The following USH2A variants were observed in gnomAD, a reference collection of about 807,000 sequenced individuals.
USH2A encodes Usher syndrome 2A (autosomal recessive, mild).
Under a neutral mutation model 538.9 loss-of-function variants are expected in USH2A, and 443 were observed. The observed-to-expected ratio is 0.82, with a 90% CI of 0.76 to 0.89. The LOEUF (loss-of-function observed/expected upper bound fraction) is 0.89. Among genes scored for constraint, USH2A ranks in the 40% least tolerant of loss-of-function variants. USH2A has a pLI of 0.00. For synonymous variants in USH2A, 2,413 were observed against 2,273.5 expected (o/e 1.06, Z -1.75); for missense variants, 6,633 against 6,324.8 (o/e 1.05, Z -1.65).
At chr1:216,124,521 A>G (rs1470831662) in intron 21 of USH2A, among the ~76,000 whole-genome samples, 1 of 152,190 alleles carries the variant, frequency 6.6e-6, no homozygotes. Flanking sequence ...TAGAAATACA[A>G]CAAGACAAAG....
intron 21 of USH2A, among the ~76,000 whole-genome samples, chr1:216,151,663 C>T (rs544727339): frequency 3.9e-5 from 6 of 152,226 alleles, no homozygotes; most frequent in South Asian, 2.1e-4. Context: ...CCTCCAAAAC[C>T]GCCGAGGCCT....
At chr1:215,782,345 C>A (rs2102762968) in intron 53 of USH2A, 149 bp from the exon 54 acceptor site, 1 of 815,096 alleles carries the variant, frequency 1.2e-6, no homozygotes, top group South Asian at 1.7e-5. Flanking sequence ...TCAAGCAGTT[C>A]CTAATTATAC....
Position 216,246,926 on chromosome 1 carries a change from C to T in USH2A, c.2468G>A (p.Gly823Glu), listed in dbSNP as rs2036061353. The T allele has an allele frequency of 6.2e-7, 1 of 1,614,100 alleles. No individual in the cohort carries two copies. Among genetic ancestry groups the T allele is most frequent in the Non-Finnish European group, 8.5e-7 (1 of 1,179,988 alleles). ...GQCICKPNVE[G>E]RQCNKCLEGN... ...CTCCAAACATTTATTGCACTGTCTC[C>T]CTTCAACATTGGGCTTGCAGATGCA... Residue 823 changes from glycine (G) to glutamate (E), a missense_variant, in exon 13 of 72, where the codon GGG becomes GAG. Transcript: ENST00000307340.
Position 216,418,579 on chromosome 1 carries a change from G to T in USH2A, c.586C>A (p.Pro196Thr). The part of the protein sequence containing the change: ...FYYRTVNGLQ[P>T]PIKVMTLGRI... Reference sequence around the variant, plus strand: ...CCCAGTGTCATTACTTTTATTGGAGGTTGCAAACCATTTACTGTGCGATAA... The same window carrying T: ...CCCAGTGTCATTACTTTTATTGGAGTTTGCAAACCATTTACTGTGCGATAA... Residue 196 changes from proline to threonine, a missense_variant, in exon 3 of 72, where the codon CCT becomes ACT. Physicochemically the swap from Pro to Thr is conservative, Grantham distance 38. Transcript: ENST00000307340. 1 of 1,613,230 alleles carries T rather than the reference G, an allele frequency of 6.2e-7. No homozygotes were observed. Among genetic ancestry groups the T allele is most frequent in the South Asian group, 1.1e-5 (1 of 91,046 alleles).
chr1:215,986,800 T>A (rs1489727457), intron 35 of USH2A, among the ~76,000 whole-genome samples: 1 of 152,232 alleles, frequency 6.6e-6, no homozygotes, highest in Non-Finnish European at 1.5e-5. Context: ...AATTTTGGTA[T>A]TGTCCCTATC....
chr1:215,820,244 C>T (rs1662974296), intron 47 of USH2A, among the ~76,000 whole-genome samples: 1 of 151,332 alleles, frequency 6.6e-6, no homozygotes, highest in African/African-American at 2.4e-5. Flanking sequence ...TGTCTACACA[C>T]ATTTTTTTCT....
At chr1:216,365,767 A>G (rs2102709648) in intron 3 of USH2A, among the ~76,000 whole-genome samples, 1 of 151,986 alleles carries the variant, frequency 6.6e-6, no homozygotes, top group South Asian at 2.1e-4. Context: ...TACTGTCACA[A>G]CTGCCCAACT....
chr1:216,011,777 G>A (rs112188236), intron 32 of USH2A, among the ~76,000 whole-genome samples: 3 of 151,646 alleles, frequency 2.0e-5, no homozygotes, highest in Non-Finnish European at 4.4e-5. Flanking sequence ...TCTGCTCCAC[G>A]GCTCCTTCAG....
At chr1:216,112,918 G>T (rs559565241) in intron 21 of USH2A, among the ~76,000 whole-genome samples, 1 of 151,946 alleles carries the variant, frequency 6.6e-6, no homozygotes, top group South Asian at 2.1e-4. Flanking sequence ...ATGAACACCC[G>T]CGAGCATGTG....
chr1:216,174,108 T>G, intron 21 of USH2A: 2 of 985,328 alleles, frequency 2.0e-6, no homozygotes, highest in South Asian at 9.4e-5. Flanking sequence ...ATTACCAAGG[T>G]GCATCAGCAG....
intron 52 of USH2A, among the ~76,000 whole-genome samples, chr1:215,784,985 T>G (rs1661754266): frequency 6.6e-6 from 1 of 152,322 alleles, no homozygotes; most frequent in East Asian, 1.9e-4. Flanking sequence ...AGTCCATGAC[T>G]TAAATCTATA....
At chr1:216,216,844 A>G (rs545381034) in intron 15 of USH2A, among the ~76,000 whole-genome samples, 2 of 152,262 alleles carry the variant, frequency 1.3e-5, no homozygotes, top group South Asian at 4.1e-4. Flanking sequence ...AGAAAGAAAC[A>G]TGAATTATGG....
At chr1:216,095,655 A>T (rs984285041) in intron 22 of USH2A, among the ~76,000 whole-genome samples, 1 of 152,196 alleles carries the variant, frequency 6.6e-6, no homozygotes, top group African/African-American at 2.4e-5. Flanking sequence ...CTGTCAAGTC[A>T]TGAGGAGGGA....
intron 61 of USH2A, among the ~76,000 whole-genome samples, chr1:215,699,495 T>C (rs1181342049): frequency 6.6e-6 from 1 of 152,178 alleles, no homozygotes; most frequent in Non-Finnish European, 1.5e-5. Context: ...TTAACTTCCT[T>C]GTGCAGTGGT....
intron 3 of USH2A, among the ~76,000 whole-genome samples, chr1:216,367,271 T>C (rs534304756): frequency 7.2e-5 from 11 of 152,326 alleles, no homozygotes; most frequent in African/African-American, 2.2e-4. Flanking sequence ...ACAGTTTATT[T>C]AAGAAAAGAA....
In USH2A at chr1:215,845,821, C is replaced by A. The variant is rs770595289; in HGVS notation, c.9055+3G>T. On this transcript the variant is annotated splice_donor_region_variant and intron_variant, in intron 45 of 71. Transcript: ENST00000307340. ...GCAAATATCCTTTAGAATCTGGACT[C>A]ACCCCCATCGCAAGTGGTTGCATGA... The A allele has an allele frequency of 4.3e-6, 7 of 1,613,220 alleles. No homozygotes were observed. The South Asian group carries it at 7.7e-5, about 18-fold the overall frequency.
chr1:215,939,159 T>C (rs1450809641), intron 37 of USH2A, among the ~76,000 whole-genome samples: 1 of 152,218 alleles, frequency 6.6e-6, no homozygotes, highest in Admixed American at 6.5e-5. Context: ...CTGATTTAAG[T>C]ATTATACCTC....
rs148183513 is a variant in USH2A, at chr1:216,361,333, G to A, written c.784+3620C>T. On this transcript the variant is annotated intron_variant, in intron 4 of 71. Coordinates refer to ENST00000307340, the MANE Select transcript of USH2A (RefSeq NM_206933.4). ...GAATAAACTGTAGGAGGATATCTTC[G>A]TGATATCAGGGTTTGCAAAAATAGT... 8.8e-3 allele frequency among the ~76,000 whole-genome samples: 1,335 copies of A among 152,076 alleles called. 7 individuals carry two copies. The highest frequency in any genetic ancestry group is 0.014 in the Non-Finnish European group (929 of 67,944).
At chr1:216,037,841 A>T (rs2030066513) in intron 32 of USH2A, among the ~76,000 whole-genome samples, 2 of 149,468 alleles carry the variant, frequency 1.3e-5, no homozygotes, top group East Asian at 2.0e-4. Flanking sequence ...CCCTCCTGCT[A>T]CCCTCCACCT....
Sources: gnomAD v4.1 joint callset for allele counts (sites outside exome capture counted in the v4.1 genomes callset) on GRCh38, gnomAD v4.1.1 for gene constraint, MANE v1.5 for transcripts, NCBI Gene and HGNC (gene_info 2026-07-23, HGNC 2026-07-21) for gene names.